Variants in ANO3 observed in about 807,000 individuals in gnomAD.
ANO3 encodes anoctamin-3.
A neutral mutation model predicts 144.8 loss-of-function variants in ANO3; 99 were observed. That is an observed-to-expected ratio of 0.68 (90% CI 0.58 to 0.81). The LOEUF is 0.81. ANO3 is among the 30% of genes least tolerant of loss of function. The pLI is 0.00. For synonymous variants in ANO3, 414 were observed against 392.6 expected, an observed-to-expected ratio of 1.05 and a Z score of -0.64; for missense variants, 905 against 1,202.2, an observed-to-expected ratio of 0.75 and a Z score of 3.66.
intron 6 of ANO3, among the ~76,000 whole-genome samples, chr11:26,518,346 GT>G (rs1861939107): frequency 6.6e-6 from 1 of 151,944 alleles, no homozygotes; most frequent in African/African-American, 2.4e-5. Context: ...TTATTCTCTG[GT>G]CTGTGCATAT....
At chr11:26,407,070 G>GTATATATATATATATATA (rs202060948) in intron 1 of ANO3, among the ~76,000 whole-genome samples, 40 of 101,356 alleles carry the variant, frequency 3.9e-4, no homozygotes, top group South Asian at 1.1e-3. Flanking sequence ...GTGTGTGTGT[G>GTATATATATATATATATA]TGTGTGTATA....
chr11:26,433,948 T>G (rs1425995378), intron 1 of ANO3, among the ~76,000 whole-genome samples: 1 of 152,172 alleles, frequency 6.6e-6, no homozygotes, highest in Non-Finnish European at 1.5e-5. Context: ...CTCCTCAATT[T>G]TTTGATAGTT....
At chr11:26,296,960 C>T (rs1313430796) in intron 1 of ANO3, among the ~76,000 whole-genome samples, 1 of 152,072 alleles carries the variant, frequency 6.6e-6, no homozygotes, top group Non-Finnish European at 1.5e-5. Flanking sequence ...GTACTCCAGT[C>T]AATCATTATT....
chr11:26,662,117 T>G lies in ANO3; in HGVS notation c.*1673T>G, dbSNP rs950370566. On this transcript the variant is annotated 3_prime_UTR_variant, in exon 27 of 27. Transcript: ENST00000256737. ...TTTCTAAATATTAACACTGAAAATG[T>G]TTTGTTAGCTTTTCCTTCTTTCTCT... The G allele has an allele frequency of 1.3e-5, 2 of 152,128 alleles. No individual in the cohort carries two copies. Among genetic ancestry groups the G allele is most frequent in the African/African-American group, 2.4e-5 (1 of 41,552 alleles). The allele number at this position is 152,128 out of a possible 1,614,324, so 9.4% of individuals were successfully genotyped here.
At chr11:26,271,377 G>C (rs1322760545) in intron 1 of ANO3, among the ~76,000 whole-genome samples, 1 of 152,162 alleles carries the variant, frequency 6.6e-6, no homozygotes, top group Non-Finnish European at 1.5e-5. Context: ...CTGACATGGG[G>C]CACAGAATGT....
At chr11:26,556,369 A>G (rs559266242) in intron 13 of ANO3, among the ~76,000 whole-genome samples, 1 of 144,696 alleles carries the variant, frequency 6.9e-6, no homozygotes, top group African/African-American at 2.5e-5. Context: ...TTTAACAAAC[A>G]TGTACTCAAT....
chr11:26,594,866 A>G (rs1459295235), intron 14 of ANO3, among the ~76,000 whole-genome samples: 1 of 152,140 alleles, frequency 6.6e-6, no homozygotes, highest in Non-Finnish European at 1.5e-5. Context: ...CTGTAAGATG[A>G]TGTTATAATA....
intron 4 of ANO3, among the ~76,000 whole-genome samples, chr11:26,482,430 G>A (rs1315153838): frequency 3.5e-4 from 6 of 17,344 alleles, no homozygotes; most frequent in South Asian, 1.7e-3. Flanking sequence ...AGATATATGT[G>A]TGTGTGTGTG....
intron 3 of ANO3, among the ~76,000 whole-genome samples, chr11:26,446,322 T>G (rs1590365708): frequency 1.3e-5 from 2 of 152,348 alleles, no homozygotes; most frequent in Middle Eastern, 6.8e-3. Flanking sequence ...GCCTTTAGCG[T>G]GCAGAGTACC....
At chr11:26,324,054 A>C (rs1219748590) in intron 1 of ANO3, among the ~76,000 whole-genome samples, 2 of 152,318 alleles carry the variant, frequency 1.3e-5, no homozygotes, top group East Asian at 3.9e-4. Context: ...GATCTGACTC[A>C]GAGCTTGGTA....
upstream of ANO3, chr11:26,309,522 T>C (rs768164983): frequency 5.5e-5 from 16 of 288,630 alleles, no homozygotes; most frequent in Non-Finnish European, 7.8e-5. Flanking sequence ...TATCAGATAG[T>C]AGTTATACTG....
intron 1 of ANO3, among the ~76,000 whole-genome samples, chr11:26,312,172 A>G (rs980414788): frequency 1.3e-5 from 2 of 152,144 alleles, no homozygotes. Context: ...AAGGACATGA[A>G]CTCATCCTTT....
At chr11:26,325,855 A>G (rs1011941581) in intron 1 of ANO3, among the ~76,000 whole-genome samples, 11 of 152,310 alleles carry the variant, frequency 7.2e-5, no homozygotes, top group Admixed American at 6.5e-4. Flanking sequence ...TTAGAATATG[A>G]GGAGATGGAA....
At chr11:26,461,078 CAGAG>C (rs1241445618) in intron 3 of ANO3, among the ~76,000 whole-genome samples, 3 of 151,238 alleles carry the variant, frequency 2.0e-5, no homozygotes, top group Non-Finnish European at 4.4e-5. Context: ...GATGGAGAGA[CAGAG>C]AGAAAGACAG....
At chr11:26,539,828 T>C (rs540912878) in intron 10 of ANO3, among the ~76,000 whole-genome samples, 19 of 152,328 alleles carry the variant, frequency 1.2e-4, no homozygotes, top group Admixed American at 5.9e-4. Flanking sequence ...AAGTTGACTC[T>C]CGTAAAACCC....
intron 4 of ANO3, among the ~76,000 whole-genome samples, chr11:26,496,426 G>T (rs1565061125): frequency 6.6e-6 from 1 of 152,158 alleles, no homozygotes; most frequent in Non-Finnish European, 1.5e-5. Flanking sequence ...GTCCTTGGAG[G>T]TAATAGGGAC....
At chr11:26,306,917 C>A (rs1854397547), upstream of ANO3, among the ~76,000 whole-genome samples, 1 of 152,112 alleles carries the variant, frequency 6.6e-6, no homozygotes, top group African/African-American at 2.4e-5. Context: ...CCCATATATT[C>A]TATTTACAAT....
At chr11:26,329,027 A>C (rs1854965095), upstream of ANO3, among the ~76,000 whole-genome samples, 1 of 152,068 alleles carries the variant, frequency 6.6e-6, no homozygotes. Context: ...AACATTATAT[A>C]AAATACACAT....
chr11:26,573,584 C>T (rs1156817086), intron 14 of ANO3, among the ~76,000 whole-genome samples: 1 of 152,138 alleles, frequency 6.6e-6, no homozygotes, highest in Non-Finnish European at 1.5e-5. Flanking sequence ...TATCATTATC[C>T]CCTTCTGCCT....
Sources: gnomAD v4.1 joint callset for allele counts (sites outside exome capture counted in the v4.1 genomes callset) on GRCh38, gnomAD v4.1.1 for gene constraint, MANE v1.5 for transcripts, NCBI Gene and HGNC (gene_info 2026-07-23, HGNC 2026-07-21) for gene names.